The following CDC42BPB variants were observed in gnomAD, a reference collection of about 807,000 sequenced individuals.
CDC42BPB encodes serine/threonine-protein kinase MRCK beta.
In CDC42BPB, 37 loss-of-function variants were observed where a neutral mutation model predicts 214.9. That is an observed-to-expected ratio of 0.17 (90% CI 0.13 to 0.23). The LOEUF is 0.23. Ranked by LOEUF, CDC42BPB falls within the 10% of genes least tolerant of loss-of-function variation. CDC42BPB has a pLI of 1.00. For missense variants in CDC42BPB, 1,694 were observed against 2,227.0 expected (o/e 0.76, Z 4.82); for synonymous variants, 931 against 884.0 (o/e 1.05, Z -0.94).
rs78818995 is a variant in CDC42BPB, at chr14:103,038,432, G to C, written c.175+18567C>G. ...TGTCCATCAGGAGTGGACAAAGAGA[G>C]GGTTGTGAATACAGTGGACACTACA... is the stretch of plus-strand genomic sequence containing the variant. On this transcript the variant is annotated intron_variant, in intron 1 of 36. Coordinates refer to ENST00000361246, the MANE Select transcript of CDC42BPB (RefSeq NM_006035.4). 8.3e-3 allele frequency among the ~76,000 whole-genome samples: 1,255 copies of C among 152,090 alleles called. 25 individuals carry two copies. Among genetic ancestry groups the C allele is most frequent in the African/African-American group, 0.028 (1,152 of 41,472 alleles).
Position 102,992,104 on chromosome 14 carries a change from G to C in CDC42BPB, c.597-5524C>G, listed in dbSNP as rs536759654. The stretch of plus-strand genomic sequence containing the variant: ...TGTGGAAAGTTCTGCATAGCACTGT[G>C]GGGGGGATGAGGGGTGGTGACCCCT... On this transcript the variant is annotated intron_variant, in intron 5 of 36. Transcript: ENST00000361246. Among the ~76,000 whole-genome samples the C allele has an allele frequency of 4.3e-4, 66 of 152,270 alleles. 1 individual carries two copies. The highest frequency in any genetic ancestry group is 3.9e-4 in the Admixed American group (6 of 15,288).
chr14:103,003,197 A>G (rs1895069921), intron 4 of CDC42BPB, among the ~76,000 whole-genome samples: 1 of 152,142 alleles, frequency 6.6e-6, no homozygotes, highest in Non-Finnish European at 1.5e-5. Flanking sequence ...CGTCACGTCC[A>G]CCCAGAGCTC....
chr14:103,028,960 A>G (rs1887197485), intron 1 of CDC42BPB, among the ~76,000 whole-genome samples: 1 of 152,236 alleles, frequency 6.6e-6, no homozygotes, highest in Admixed American at 6.5e-5. Flanking sequence ...AACCATTTTC[A>G]GCAGGGTTCT....
chr14:103,014,578 A>G (rs185153489), intron 1 of CDC42BPB, among the ~76,000 whole-genome samples: 1 of 152,128 alleles, frequency 6.6e-6, no homozygotes, highest in Admixed American at 6.5e-5. Context: ...ACTGAGTTCC[A>G]TATTATTAAT....
At chr14:102,953,781 C>T (rs1351269269) in intron 23 of CDC42BPB, among the ~76,000 whole-genome samples, 1 of 152,230 alleles carries the variant, frequency 6.6e-6, no homozygotes, top group Non-Finnish European at 1.5e-5. Flanking sequence ...ACATGCACTG[C>T]AGGGCCGTTT....
intron 18 of CDC42BPB, chr14:102,964,953 T>C: frequency 3.9e-6 from 1 of 255,444 alleles, no homozygotes; most frequent in Non-Finnish European, 6.1e-6. Context: ...GAGATGTAGT[T>C]TCGCTCTTGT....
intron 1 of CDC42BPB, among the ~76,000 whole-genome samples, chr14:103,040,745 A>G (rs562813970): frequency 6.6e-6 from 1 of 152,206 alleles, no homozygotes; most frequent in African/African-American, 2.4e-5. Flanking sequence ...GGCGTGAGCC[A>G]CCATAGCCAT....
Position 102,964,490 on chromosome 14 carries a change from G to A in CDC42BPB, c.2726+12C>T, listed in dbSNP as rs1893103100. The A allele has an allele frequency of 1.2e-6, 2 of 1,612,644 alleles. No homozygotes were observed. Among genetic ancestry groups the A allele is most frequent in the Non-Finnish European group, 8.5e-7 (1 of 1,179,760 alleles). ...CTGCTCCTACCTGGAGTCAGACCCT[G>A]GCACCAAGTACCTTTCCAAGGTGAG... On this transcript the variant is annotated intron_variant, in intron 19 of 36. Coordinates refer to ENST00000361246, the MANE Select transcript of CDC42BPB (RefSeq NM_006035.4).
chr14:103,008,490 C>T lies in CDC42BPB; in HGVS notation c.333G>A (p.Glu111=), dbSNP rs771777803. Reference sequence around the variant, plus strand: ...TACTTACCTCTGCTCTTTTCAGCATCTCCCACTTGTTGAGGATTTTCATTG... The same window carrying T: ...TACTTACCTCTGCTCTTTTCAGCATTTCCCACTTGTTGAGGATTTTCATTG... ...IYAMKILNKW[E]MLKRAETACF... The change falls in exon 3 of 37, where the codon GAG becomes GAA. Residue 111 remains glutamate (E), a synonymous_variant. Coordinates refer to ENST00000361246, the MANE Select transcript of CDC42BPB (RefSeq NM_006035.4). 2.5e-6 allele frequency: 4 copies of T among 1,609,498 alleles called. No homozygotes were observed. The highest frequency in any genetic ancestry group is 3.4e-6 in the Non-Finnish European group (4 of 1,175,718).
chr14:103,002,226 C>G (rs978999250), intron 4 of CDC42BPB, among the ~76,000 whole-genome samples: 5 of 152,158 alleles, frequency 3.3e-5, no homozygotes, highest in Non-Finnish European at 1.5e-5. Flanking sequence ...CGCCCCCGCT[C>G]AAGGTGGCAG....
At chr14:103,008,576 G>T in intron 2 of CDC42BPB, 21 bp from the exon 3 acceptor site, 1 of 1,593,286 alleles carries the variant, frequency 6.3e-7, no homozygotes, top group South Asian at 1.1e-5. Context: ...AATGTGAGTT[G>T]AACAAAGATG....
chr14:102,937,479 G>A (rs975337351), intron 36 of CDC42BPB, among the ~76,000 whole-genome samples: 3 of 152,240 alleles, frequency 2.0e-5, no homozygotes, highest in African/African-American at 4.8e-5. Context: ...GTGGAGAGAT[G>A]AGCATGGCCC....
chr14:103,006,968 A>G (rs1340529542), intron 3 of CDC42BPB, among the ~76,000 whole-genome samples: 3 of 152,240 alleles, frequency 2.0e-5, no homozygotes, highest in Non-Finnish European at 2.9e-5. Context: ...ATTTGCTCCA[A>G]TAACATTCCT....
At chr14:103,019,425 C>T (rs1395620123) in intron 1 of CDC42BPB, among the ~76,000 whole-genome samples, 1 of 152,160 alleles carries the variant, frequency 6.6e-6, no homozygotes, top group Non-Finnish European at 1.5e-5. Flanking sequence ...CAGACTTCTC[C>T]TGAAGAGCCC....
chr14:103,010,332 T>C (rs1595141307), intron 2 of CDC42BPB, among the ~76,000 whole-genome samples: 2 of 152,026 alleles, frequency 1.3e-5, no homozygotes, highest in Non-Finnish European at 2.9e-5. Context: ...CTGTGGTAAA[T>C]TGACTTTGGC....
chr14:102,999,453 TG>T, intron 5 of CDC42BPB, 111 bp downstream of exon 5: 2 of 995,136 alleles, frequency 2.0e-6, no homozygotes, highest in Non-Finnish European at 3.1e-6. Context: ...CAGCTCAAAG[TG>T]GGGACTCGCT....
At chr14:102,946,192 TA>T (rs1191880031) in intron 28 of CDC42BPB, among the ~76,000 whole-genome samples, 14 of 151,896 alleles carry the variant, frequency 9.2e-5, no homozygotes, top group Admixed American at 2.6e-4. Flanking sequence ...TTTTTATTTT[TA>T]TTTTTTTTTT....
chr14:103,057,363 G>C lies in CDC42BPB; in HGVS notation c.-190C>G. On this transcript the variant is annotated 5_prime_UTR_variant, in exon 1 of 37. Coordinates refer to ENST00000361246, the MANE Select transcript of CDC42BPB (RefSeq NM_006035.4). ...GCTCCGTCCCGACGGCGCAGAGTCTGGGGCGCCGGGCCCCGCGGGTCCATG... is the reference window on the plus strand; with the variant it reads ...GCTCCGTCCCGACGGCGCAGAGTCTCGGGCGCCGGGCCCCGCGGGTCCATG... 1.0e-6 allele frequency: 1 copy of C among 1,003,272 alleles called. No homozygotes were observed. Among genetic ancestry groups the C allele is most frequent in the Admixed American group, 5.9e-5 (1 of 16,912 alleles). The allele number at this position is 1,003,272 out of a possible 1,614,324, so 62.1% of individuals were successfully genotyped here.
chr14:103,049,704 GTTAACC>G (rs1170202563), intron 1 of CDC42BPB, among the ~76,000 whole-genome samples: 1 of 152,176 alleles, frequency 6.6e-6, no homozygotes, highest in Non-Finnish European at 1.5e-5. Context: ...GGGAAGTGCT[GTTAACC>G]TTAACTTTTT....
Sources: gnomAD v4.1 joint callset for allele counts (sites outside exome capture counted in the v4.1 genomes callset) on GRCh38, gnomAD v4.1.1 for gene constraint, MANE v1.5 for transcripts, NCBI Gene and HGNC (gene_info 2026-07-23, HGNC 2026-07-21) for gene names.